The following SNTB1 variants were observed in gnomAD, a reference collection of about 807,000 sequenced individuals.
SNTB1 encodes the protein syntrophin beta 1.
SNTB1 carries 36 observed loss-of-function variants against 48.9 expected under a neutral mutation model. The ratio of observed to expected loss-of-function variants is 0.74; its 90% CI spans 0.56 to 0.97. SNTB1 has a LOEUF of 0.97. SNTB1 is among the 50% of genes least tolerant of loss of function. The pLI is 0.00. For missense variants in SNTB1, 786 were observed against 703.4 expected (o/e 1.12, Z -1.33); for synonymous variants, 299 against 294.6 (o/e 1.01, Z -0.15).
chr8:120,597,671 G>A (rs529826966), intron 3 of SNTB1, among the ~76,000 whole-genome samples: 8 of 152,350 alleles, frequency 5.3e-5, no homozygotes, highest in African/African-American at 1.9e-4. Context: ...ATTATACAAA[G>A]TAAGAATATG....
intron 4 of SNTB1, among the ~76,000 whole-genome samples, chr8:120,561,328 AAAAAAAAAAAAAG>A (rs1258204176): frequency 2.2e-4 from 31 of 140,310 alleles, no homozygotes; most frequent in African/African-American, 7.8e-4. Context: ...TCAAAAAAAA[AAAAAAAAAAAAAG>A]AAAAAAAGAA....
rs554328825 is a variant in SNTB1, at chr8:120,724,533, A to G, written c.572-30625T>C. Among the ~76,000 whole-genome samples the G allele has an allele frequency of 5.3e-5, 8 of 152,324 alleles. No homozygotes were observed. In the South Asian group the frequency reaches 1.7e-3, roughly 32 times the overall value. On this transcript the variant is annotated intron_variant, in intron 1 of 6. Coordinates refer to ENST00000517992, the MANE Select transcript of SNTB1 (RefSeq NM_021021.4). ...AACATGGAGTGGGGAAGAAGGGTTGAGTAGTTTGATGGAAAGGAAGCACCA... is the reference window on the plus strand; with the variant it reads ...AACATGGAGTGGGGAAGAAGGGTTGGGTAGTTTGATGGAAAGGAAGCACCA...
intron 3 of SNTB1, among the ~76,000 whole-genome samples, chr8:120,625,253 A>G (rs773680970): frequency 6.6e-6 from 1 of 152,214 alleles, no homozygotes; most frequent in African/African-American, 2.4e-5. Context: ...CCATAGCACC[A>G]TGTGGCCAGG....
intron 2 of SNTB1, among the ~76,000 whole-genome samples, chr8:120,682,170 T>G (rs997758545): frequency 1.3e-5 from 2 of 152,220 alleles, no homozygotes; most frequent in East Asian, 3.9e-4. Flanking sequence ...CTCAACATCC[T>G]TCTAACAAGA....
intron 2 of SNTB1, among the ~76,000 whole-genome samples, chr8:120,658,854 A>G (rs1387414964): frequency 6.6e-6 from 1 of 152,160 alleles, no homozygotes; most frequent in African/African-American, 2.4e-5. Context: ...TCTTTGCAGC[A>G]TGTGATGCTA....
chr8:120,673,772 A>G (rs897317050), intron 2 of SNTB1, among the ~76,000 whole-genome samples: 1 of 151,972 alleles, frequency 6.6e-6, no homozygotes, highest in Non-Finnish European at 1.5e-5. Flanking sequence ...CCCCCATGCC[A>G]ACCTCTCCTC....
chr8:120,670,424 T>C (rs1182288932), intron 2 of SNTB1, among the ~76,000 whole-genome samples: 1 of 152,124 alleles, frequency 6.6e-6, no homozygotes, highest in Non-Finnish European at 1.5e-5. Flanking sequence ...AACTCTGGTC[T>C]TGAAGGAAGC....
At chr8:120,541,140 A>G (rs116953262) in intron 6 of SNTB1, 2 of 152,358 alleles carry the variant, frequency 1.3e-5, no homozygotes, top group African/African-American at 4.8e-5. Flanking sequence ...GAAGTCATAT[A>G]CTTTTTCATT....
At chr8:120,769,276 T>C (rs1034212818) in intron 1 of SNTB1, 1 of 152,198 alleles carries the variant, frequency 6.6e-6, no homozygotes, top group Non-Finnish European at 1.5e-5. Context: ...TATCCTTTTT[T>C]CAAGCAGATT....
intron 1 of SNTB1, among the ~76,000 whole-genome samples, chr8:120,744,619 T>C (rs1428622356): frequency 6.6e-6 from 1 of 152,172 alleles, no homozygotes; most frequent in Non-Finnish European, 1.5e-5. Context: ...TCTATTTTAA[T>C]ATTTTATTAT....
intron 5 of SNTB1, among the ~76,000 whole-genome samples, chr8:120,547,649 A>G (rs1235286082): frequency 1.3e-5 from 2 of 151,850 alleles, no homozygotes; most frequent in African/African-American, 4.8e-5. Context: ...CTACTGACAC[A>G]TTAAATGACT....
At chr8:120,788,748 A>C (rs1027543564) in intron 1 of SNTB1, among the ~76,000 whole-genome samples, 2 of 152,074 alleles carry the variant, frequency 1.3e-5, no homozygotes, top group Non-Finnish European at 2.9e-5. Context: ...TAAAGCAGTT[A>C]CTATTAGATA....
intron 3 of SNTB1, among the ~76,000 whole-genome samples, chr8:120,597,027 C>T (rs574206585): frequency 6.6e-6 from 1 of 152,300 alleles, no homozygotes; most frequent in African/African-American, 2.4e-5. Flanking sequence ...TTGCAGAGGT[C>T]TCGAGATAGG....
chr8:120,672,387 G>C (rs1249099429), intron 2 of SNTB1, among the ~76,000 whole-genome samples: 1 of 152,148 alleles, frequency 6.6e-6, no homozygotes, highest in East Asian at 1.9e-4. Context: ...TATGTTTCTT[G>C]CACTCCACCA....
At chr8:120,745,527 T>C (rs1819112539) in intron 1 of SNTB1, among the ~76,000 whole-genome samples, 1 of 152,034 alleles carries the variant, frequency 6.6e-6, no homozygotes, top group Non-Finnish European at 1.5e-5. Context: ...AGACACTCCA[T>C]TCACCATGAC....
At chr8:120,745,021 T>A (rs1455481960) in intron 1 of SNTB1, among the ~76,000 whole-genome samples, 1 of 152,102 alleles carries the variant, frequency 6.6e-6, no homozygotes, top group Non-Finnish European at 1.5e-5. Context: ...TGGGCTTCAT[T>A]AACCAGTCTT....
chr8:120,648,477 G>C (rs1393403287), intron 2 of SNTB1, among the ~76,000 whole-genome samples: 1 of 151,774 alleles, frequency 6.6e-6, no homozygotes, highest in Non-Finnish European at 1.5e-5. Flanking sequence ...TTTTCTTTAA[G>C]AATGTTGAAT....
intron 4 of SNTB1, among the ~76,000 whole-genome samples, chr8:120,554,867 T>C (rs1018491902): frequency 5.3e-5 from 8 of 152,178 alleles, no homozygotes; most frequent in African/African-American, 1.9e-4. Context: ...AGTTATAGGA[T>C]CTTTTTGGAC....
At chr8:120,639,495 G>C (rs1037682526) in intron 2 of SNTB1, among the ~76,000 whole-genome samples, 1 of 152,010 alleles carries the variant, frequency 6.6e-6, no homozygotes, top group Admixed American at 6.6e-5. Context: ...TTTCTTCTAG[G>C]GTTTTTATGG....
Sources: gnomAD v4.1 joint callset for allele counts (sites outside exome capture counted in the v4.1 genomes callset) on GRCh38, gnomAD v4.1.1 for gene constraint, MANE v1.5 for transcripts, NCBI Gene and HGNC (gene_info 2026-07-23, HGNC 2026-07-21) for gene names.